RANBP2: variants seen among roughly 807,000 people sequenced by gnomAD.
RANBP2 encodes the protein RAN binding protein 2.
A neutral mutation model predicts 303.6 loss-of-function variants in RANBP2; 57 were observed. That is an observed-to-expected ratio of 0.19 (90% CI 0.15 to 0.23). The LOEUF (loss-of-function observed/expected upper bound fraction) is 0.23. Ranked by LOEUF, RANBP2 falls within the 10% of genes least tolerant of loss-of-function variation. The pLI is 1.00. For missense variants in RANBP2, 3,138 were observed against 3,780.8 expected (o/e 0.83, Z 4.46); for synonymous variants, 1,167 against 1,301.5 (o/e 0.90, Z 2.23).
intron 7 of RANBP2, among the ~76,000 whole-genome samples, chr2:108,743,848 A>G (rs1047910247): frequency 2.0e-5 from 3 of 152,230 alleles, no homozygotes; most frequent in African/African-American, 7.2e-5. Flanking sequence ...TTTATTAACT[A>G]CCACATATTT....
the RANBP2 span, among the ~76,000 whole-genome samples, chr2:109,026,585 G>A: frequency 1.7e-3 from 253 of 152,282 alleles, no homozygotes; most frequent in Non-Finnish European, 3.0e-3. Flanking sequence ...CACCGTTAGT[G>A]TAGGATACAC....
At chr2:109,019,861 T>TGAAA in the RANBP2 span, among the ~76,000 whole-genome samples, 1 of 152,212 alleles carries the variant, frequency 6.6e-6, no homozygotes, top group African/African-American at 2.4e-5. Flanking sequence ...TACTGAGTTT[T>TGAAA]GGCTCCTGTT....
the RANBP2 span, among the ~76,000 whole-genome samples, chr2:109,454,072 CAT>C: frequency 2.0e-5 from 3 of 152,176 alleles, no homozygotes; most frequent in Non-Finnish European, 2.9e-5. Context: ...GTATAATAAT[CAT>C]ATCATATAAA....
At chr2:108,984,618 C>T in the RANBP2 span, among the ~76,000 whole-genome samples, 8 of 152,122 alleles carry the variant, frequency 5.3e-5, no homozygotes, top group Non-Finnish European at 7.4e-5. Context: ...CTTTACTCAA[C>T]TATTTCATTT....
the RANBP2 span, chr2:109,546,008 A>C: frequency 6.5e-7 from 1 of 1,527,436 alleles, no homozygotes; most frequent in Non-Finnish European, 8.7e-7. Context: ...CAATGTGACA[A>C]GTGTGGGCAG....
chr2:109,676,527 C>A, the RANBP2 span, among the ~76,000 whole-genome samples: 94 of 152,302 alleles, frequency 6.2e-4, no homozygotes, highest in African/African-American at 2.2e-3. Flanking sequence ...GCTTTGCCTG[C>A]ACCCTGAGAT....
At chr2:109,143,709 G>A in the RANBP2 span, among the ~76,000 whole-genome samples, 2 of 151,872 alleles carry the variant, frequency 1.3e-5, no homozygotes, top group African/African-American at 2.4e-5. Flanking sequence ...AGCCGTGATC[G>A]CACCACTGCA....
In RANBP2 at chr2:108,764,099, G is replaced by A; in HGVS notation, c.3560G>A (p.Gly1187Asp). 1 of 1,614,036 alleles carries A rather than the reference G, an allele frequency of 6.2e-7. No homozygotes were observed. Among genetic ancestry groups the A allele is most frequent in the Non-Finnish European group, 8.5e-7 (1 of 1,179,978 alleles). Residue 1187 changes from glycine (G) to aspartate (D), a missense_variant, in exon 20 of 29, where the codon GGT (glycine) becomes GAT (aspartate). Gly to Asp is a moderately conservative substitution (Grantham distance 94). Coordinates refer to ENST00000283195, the MANE Select transcript of RANBP2 (RefSeq NM_006267.5). ...PLPDKIEVKT[G>D]EEDEEEFFCN... ...CCTGATAAGATTGAAGTAAAAACTG[G>A]TGAGGAAGATGAAGAAGAATTCTTT... is the stretch of plus-strand genomic sequence containing the variant.
At chr2:109,589,187 G>A in the RANBP2 span, among the ~76,000 whole-genome samples, 4 of 151,998 alleles carry the variant, frequency 2.6e-5, no homozygotes, top group Non-Finnish European at 4.4e-5. Flanking sequence ...CTGTCACCCA[G>A]GCTGGAGTGC....
At chr2:109,134,043 G>A in the RANBP2 span, among the ~76,000 whole-genome samples, 1 of 152,156 alleles carries the variant, frequency 6.6e-6, no homozygotes, top group Non-Finnish European at 1.5e-5. Flanking sequence ...TTTGGGTCTC[G>A]ACAGTTGAAC....
chr2:109,728,860 C>G, the RANBP2 span, among the ~76,000 whole-genome samples: 8 of 151,940 alleles, frequency 5.3e-5, no homozygotes, highest in Non-Finnish European at 1.2e-4. Context: ...TGTAAATGCT[C>G]CCATCATAGC....
chr2:109,020,714 T>C, the RANBP2 span, among the ~76,000 whole-genome samples: 1 of 152,168 alleles, frequency 6.6e-6, no homozygotes, highest in Non-Finnish European at 1.5e-5. Flanking sequence ...TGATTTTCCA[T>C]GAGGTGACTG....
the RANBP2 span, among the ~76,000 whole-genome samples, chr2:109,123,871 T>C: frequency 6.6e-6 from 1 of 152,216 alleles, no homozygotes; most frequent in South Asian, 2.1e-4. Flanking sequence ...ACCTTGCTGG[T>C]ATACAGTTGG....
At chr2:109,593,144 A>T in the RANBP2 span, 4 of 1,537,880 alleles carry the variant, frequency 2.6e-6, no homozygotes, top group East Asian at 9.2e-5. Context: ...CAAAGGCTTA[A>T]AAGGAAACAG....
the RANBP2 span, among the ~76,000 whole-genome samples, chr2:108,871,038 A>G: frequency 1.3e-5 from 2 of 152,194 alleles, no homozygotes; most frequent in African/African-American, 4.8e-5. Flanking sequence ...AATGAACCTC[A>G]TTATTTAGAA....
In RANBP2 at chr2:108,782,559, G is replaced by C; in HGVS notation, c.9066G>C (p.Val3022=). ...DGEAKVEQLA[V]RFKTKEVADC... ...AAGCAAAAGTAGAACAGCTTGCAGT[G>C]AGATTTAAAACTAAAGAAGTAGCTG... The change falls in exon 28 of 29, where the codon GTG becomes GTC. Residue 3022 remains valine, a synonymous_variant. Coordinates refer to ENST00000283195, the MANE Select transcript of RANBP2 (RefSeq NM_006267.5). 1 of 1,614,170 alleles carries C rather than the reference G, an allele frequency of 6.2e-7. No homozygotes were observed. The highest frequency in any genetic ancestry group is 8.5e-7 in the Non-Finnish European group (1 of 1,180,012).
chr2:109,108,142 G>T, the RANBP2 span, among the ~76,000 whole-genome samples: 1 of 151,510 alleles, frequency 6.6e-6, no homozygotes, highest in African/African-American at 2.4e-5. Flanking sequence ...CCTGCCCTCG[G>T]GATCCGCCCA....
At chr2:109,456,908 G>A in the RANBP2 span, among the ~76,000 whole-genome samples, 12 of 152,246 alleles carry the variant, frequency 7.9e-5, no homozygotes, top group Non-Finnish European at 1.5e-4. Context: ...CCTTCAGAAA[G>A]TGGCAGGGAC....
chr2:109,488,123 G>A, the RANBP2 span, among the ~76,000 whole-genome samples: 9 of 152,300 alleles, frequency 5.9e-5, no homozygotes, highest in East Asian at 3.9e-4. Flanking sequence ...GGGCTCCGCC[G>A]GGACACCTGG....
Sources: gnomAD v4.1 joint callset for allele counts (sites outside exome capture counted in the v4.1 genomes callset) on GRCh38, gnomAD v4.1.1 for gene constraint, MANE v1.5 for transcripts, NCBI Gene and HGNC (gene_info 2026-07-23, HGNC 2026-07-21) for gene names.